GLRA2: variants seen among roughly 807,000 people sequenced by gnomAD.
GLRA2 encodes the protein glycine receptor subunit alpha-2.
In GLRA2, 11 loss-of-function variants were observed where a neutral mutation model predicts 31.6. That is an observed-to-expected ratio of 0.35 (90% CI 0.22 to 0.58). The LOEUF (loss-of-function observed/expected upper bound fraction) is 0.58. Among genes scored for constraint, GLRA2 ranks in the 20% least tolerant of loss-of-function variants. The pLI is 0.84. For missense variants in GLRA2, 212 were observed against 351.8 expected (o/e 0.60, Z 3.18); for synonymous variants, 132 against 134.0 (o/e 0.99, Z 0.10).
the GLRA2 span, among the ~76,000 whole-genome samples, chrX:14,498,078 T>C: frequency 2.4e-4 from 27 of 110,746 alleles, 1 homozygote; most frequent in East Asian, 6.2e-3. Context: ...GTTATGTAAA[T>C]ATTGGAAGAT....
chrX:14,469,784 G>T, the GLRA2 span, among the ~76,000 whole-genome samples: 9 of 106,487 alleles, frequency 8.5e-5, no homozygotes, highest in East Asian at 2.4e-3. Context: ...AGCATGGCAC[G>T]TGTATACATA....
At chrX:14,584,524 T>C (rs1408004684) in intron 4 of GLRA2, among the ~76,000 whole-genome samples, 2 of 112,165 alleles carry the variant, frequency 1.8e-5, no homozygotes, top group Non-Finnish European at 3.8e-5. Context: ...ATTCCATTCT[T>C]ATACCTAGTA....
intron 8 of GLRA2, among the ~76,000 whole-genome samples, chrX:14,701,529 A>G (rs2091541260): frequency 9.0e-6 from 1 of 111,295 alleles, no homozygotes; most frequent in Admixed American, 9.6e-5. Context: ...GTTTTGCCAG[A>G]CAGGATGGAT....
At chrX:14,692,969 C>T (rs1470875465) in intron 8 of GLRA2, among the ~76,000 whole-genome samples, 3 of 110,105 alleles carry the variant, frequency 2.7e-5, no homozygotes, top group African/African-American at 9.9e-5. Flanking sequence ...ATCTAAAGCA[C>T]CAGCATGGCA....
intron 8 of GLRA2, among the ~76,000 whole-genome samples, chrX:14,729,232 C>T (rs2091963076): frequency 8.9e-6 from 1 of 111,791 alleles, no homozygotes; most frequent in Admixed American, 9.5e-5. Context: ...GAGTTTAGTG[C>T]CTCTGGTGAC....
At chrX:14,645,012 C>T (rs2090814939) in intron 7 of GLRA2, among the ~76,000 whole-genome samples, 1 of 112,035 alleles carries the variant, frequency 8.9e-6, no homozygotes, top group African/African-American at 3.2e-5. Flanking sequence ...AAGCCTTCAT[C>T]TTCAATGTGA....
the GLRA2 span, among the ~76,000 whole-genome samples, chrX:14,506,931 C>G: frequency 3.6e-5 from 4 of 111,948 alleles, no homozygotes; most frequent in East Asian, 1.1e-3. Flanking sequence ...GTGGAAGAAT[C>G]AGGTGACAGC....
In GLRA2 at chrX:14,607,273, G is replaced by GTTTT. The variant is rs763300855; in HGVS notation, c.715+8_715+9insTTTT. ...GTACAAAGCACTACAACACTGGTAA[G>GTTTT]TTTCTTTTTTTTTTTTTTTCAGCTG... On this transcript the variant is annotated splice_donor_region_variant and intron_variant, in intron 6 of 8. Coordinates refer to ENST00000218075, the MANE Select transcript of GLRA2 (RefSeq NM_002063.4). 2 of 935,797 alleles carry GTTTT rather than the reference G, an allele frequency of 2.1e-6. No individual in the cohort carries two copies. Among genetic ancestry groups the GTTTT allele is most frequent in the African/African-American group, 2.6e-5 (1 of 37,934 alleles). 77.1% of individuals were successfully genotyped at this position (935,797 alleles called of 1,213,427 possible).
intron 7 of GLRA2, among the ~76,000 whole-genome samples, chrX:14,681,382 A>G (rs1262329089): frequency 1.8e-5 from 2 of 109,870 alleles, no homozygotes; most frequent in Non-Finnish European, 3.8e-5. Flanking sequence ...CTTTCATTCA[A>G]TTCATTCATT....
chrX:14,469,576 T>G, the GLRA2 span, among the ~76,000 whole-genome samples: 1 of 106,485 alleles, frequency 9.4e-6, no homozygotes, highest in African/African-American at 3.4e-5. Flanking sequence ...ATCATCATTC[T>G]CAGTAAACTA....
the GLRA2 span, among the ~76,000 whole-genome samples, chrX:14,451,644 C>CAA: frequency 1.9e-3 from 76 of 39,996 alleles, no homozygotes; most frequent in Middle Eastern, 0.019. Flanking sequence ...ACTCTGTCTC[C>CAA]AAAAAAAAAA....
the GLRA2 span, among the ~76,000 whole-genome samples, chrX:14,505,142 A>G: frequency 8.9e-6 from 1 of 112,387 alleles, no homozygotes; most frequent in Non-Finnish European, 1.9e-5. Context: ...GTGTCTACAC[A>G]GGCATGAATC....
At chrX:14,729,475 T>C (rs960476621) in intron 8 of GLRA2, among the ~76,000 whole-genome samples, 2 of 111,999 alleles carry the variant, frequency 1.8e-5, no homozygotes, top group Non-Finnish European at 3.8e-5. Flanking sequence ...TTCAGACTTT[T>C]ATCTAATTTA....
At chrX:14,688,756 G>T (rs867303033) in intron 7 of GLRA2, among the ~76,000 whole-genome samples, 3 of 110,118 alleles carry the variant, frequency 2.7e-5, no homozygotes, top group Non-Finnish European at 3.8e-5. Flanking sequence ...TCCCGGGTGA[G>T]GCAATGCCTC....
the GLRA2 span, among the ~76,000 whole-genome samples, chrX:14,462,029 G>T: frequency 8.9e-6 from 1 of 112,061 alleles, no homozygotes; most frequent in Non-Finnish European, 1.9e-5. Context: ...AGGAGCTCTT[G>T]TAAGGCAGGC....
intron 7 of GLRA2, among the ~76,000 whole-genome samples, chrX:14,628,716 C>A (rs1367376435): frequency 1.8e-5 from 2 of 111,196 alleles, no homozygotes; most frequent in Non-Finnish European, 3.8e-5. Context: ...TGGAATGAGC[C>A]AGTAAACTTC....
chrX:14,541,443 T>A lies in GLRA2; in HGVS notation c.202+9071T>A, dbSNP rs747500327. ...TACGTTAGGAAAAGCCCAGGACTACTTTACCACACAATTTTTACTTCATTT... is the reference window on the plus strand; with the variant it reads ...TACGTTAGGAAAAGCCCAGGACTACATTACCACACAATTTTTACTTCATTT... On this transcript the variant is annotated intron_variant, in intron 2 of 8. Coordinates refer to ENST00000218075, the MANE Select transcript of GLRA2 (RefSeq NM_002063.4). Among the ~76,000 whole-genome samples, 3 of 111,641 alleles carry A rather than the reference T, an allele frequency of 2.7e-5. No individual in the cohort carries two copies. The South Asian group carries it at 1.1e-3, about 42-fold the overall frequency.
chrX:14,694,071 G>GA (rs200275993), intron 8 of GLRA2, among the ~76,000 whole-genome samples: 27 of 110,112 alleles, frequency 2.5e-4, no homozygotes, highest in Admixed American at 4.8e-4. Flanking sequence ...GAAAAACTAT[G>GA]AAAAAAAACA....
chrX:14,690,600 T>A, intron 7 of GLRA2, 110 bp from the exon 8 acceptor site: 1 of 512,845 alleles, frequency 1.9e-6, no homozygotes, highest in South Asian at 3.3e-5. Flanking sequence ...GAAATTAGGT[T>A]ATTTTGCTGC....
Sources: allele counts gnomAD v4.1 joint callset (sites outside exome capture counted in the v4.1 genomes callset), GRCh38; gene constraint gnomAD v4.1.1; transcripts MANE v1.5; gene names NCBI Gene and HGNC (gene_info 2026-07-23, HGNC 2026-07-21).